Variants in MED12L observed in about 807,000 individuals in gnomAD.
MED12L encodes the protein mediator of RNA polymerase II transcription subunit 12-like protein.
MED12L carries 60 observed loss-of-function variants against 281.3 expected under a neutral mutation model. That is an observed-to-expected ratio of 0.21 (90% confidence interval 0.17 to 0.26). The LOEUF (loss-of-function observed/expected upper bound fraction) is 0.26, where lower values mean the gene tolerates loss of function less well. MED12L is among the 10% of genes least tolerant of loss of function. MED12L has a pLI of 1.00. For missense variants in MED12L, 2,146 were observed against 2,680.9 expected (o/e 0.80, Z 4.41); for synonymous variants, 974 against 987.2 (o/e 0.99, Z 0.25).
At chr3:151,324,518 A>G (rs1749356574) in intron 16 of MED12L, among the ~76,000 whole-genome samples, 1 of 152,240 alleles carries the variant, frequency 6.6e-6, no homozygotes, top group African/African-American at 2.4e-5. Flanking sequence ...TGTTAAGAAT[A>G]TGGGCTTAGA....
rs1259449148 is a variant in MED12L at position 151,164,047 on chromosome 3, A to G, written c.1257+5A>G. 1.1e-5 allele frequency: 18 copies of G among 1,611,904 alleles called. No individual in the cohort carries two copies. Among genetic ancestry groups the G allele is most frequent in the African/African-American group, 6.7e-5 (5 of 74,842 alleles). ...AACACGGCTTTCAATCAGCAGGTAG[A>G]CTTTATGTTTCAGTGATTTGATGGC... is the stretch of plus-strand genomic sequence containing the variant. On this transcript the variant is annotated splice_donor_5th_base_variant and intron_variant, in intron 9 of 44. Coordinates refer to ENST00000687756, the MANE Select transcript of MED12L (RefSeq NM_001393769.1).
chr3:151,190,639 G>T, intron 13 of MED12L, 78 bp from the exon 14 acceptor site: 1 of 1,270,406 alleles, frequency 7.9e-7, no homozygotes, highest in East Asian at 2.4e-5. Flanking sequence ...GAAAAGTAAT[G>T]AAAATATTAA....
chr3:151,404,880 C>T (rs1254652230), intron 39 of MED12L, among the ~76,000 whole-genome samples: 1 of 151,978 alleles, frequency 6.6e-6, no homozygotes, highest in Non-Finnish European at 1.5e-5. Context: ...ACCAGTCCTA[C>T]ATGAAAAGGA....
intron 16 of MED12L, chr3:151,316,882 GA>G (rs1446521341): frequency 1.3e-5 from 2 of 152,106 alleles, no homozygotes; most frequent in Non-Finnish European, 2.9e-5. Flanking sequence ...GAGATTTGTC[GA>G]CTGGGGAAGA....
chr3:151,098,703 C>A (rs184852019), intron 2 of MED12L, among the ~76,000 whole-genome samples: 7 of 151,658 alleles, frequency 4.6e-5, no homozygotes, highest in African/African-American at 1.7e-4. Flanking sequence ...CTGTAAAGAC[C>A]CTTTTTCCAA....
In MED12L at chr3:151,396,823, G is replaced by A. The variant is rs62285908; in HGVS notation, c.5820+1956G>A. Among the ~76,000 whole-genome samples, 306 of 152,246 alleles carry A rather than the reference G, an allele frequency of 2.0e-3. 2 individuals are homozygous for A. The highest frequency in any genetic ancestry group is 3.5e-3 in the South Asian group (17 of 4,824). ...GGAAAAGCCCACTGGGCCATTATGGGTAAATATACCTGTTTTTAAAAGGTT... is the reference window on the plus strand; with the variant it reads ...GGAAAAGCCCACTGGGCCATTATGGATAAATATACCTGTTTTTAAAAGGTT... On this transcript the variant is annotated intron_variant, in intron 39 of 44. Transcript: ENST00000687756.
chr3:151,112,752 T>C (rs1347621182), intron 2 of MED12L, among the ~76,000 whole-genome samples: 1 of 152,156 alleles, frequency 6.6e-6, no homozygotes, highest in Non-Finnish European at 1.5e-5. Context: ...GTGTGGGGTT[T>C]GATGGGTTGA....
chr3:151,219,904 C>G (rs1213706007), intron 16 of MED12L, among the ~76,000 whole-genome samples: 3 of 90,472 alleles, frequency 3.3e-5, no homozygotes, highest in East Asian at 7.7e-4. Flanking sequence ...CCCCCCCCCC[C>G]CTTGGATATG....
intron 16 of MED12L, among the ~76,000 whole-genome samples, chr3:151,276,717 A>G (rs115313743): frequency 5.6e-4 from 86 of 152,274 alleles, no homozygotes; most frequent in African/African-American, 1.9e-3. Flanking sequence ...TCAGCACTTT[A>G]GAAGCATCAT....
chr3:151,325,921 T>C (rs1345559141), intron 16 of MED12L, among the ~76,000 whole-genome samples: 1 of 152,220 alleles, frequency 6.6e-6, no homozygotes, highest in Non-Finnish European at 1.5e-5. Flanking sequence ...AGAGGTAATA[T>C]GGATTTAGTG....
At chr3:151,107,963 G>A (rs1395859567) in intron 2 of MED12L, among the ~76,000 whole-genome samples, 2 of 152,222 alleles carry the variant, frequency 1.3e-5, no homozygotes, top group African/African-American at 2.4e-5. Flanking sequence ...CCAGTCCTGG[G>A]CGACTGTGTT....
At chr3:151,095,139 T>G (rs1249930787) in intron 2 of MED12L, among the ~76,000 whole-genome samples, 1 of 152,248 alleles carries the variant, frequency 6.6e-6, no homozygotes, top group Non-Finnish European at 1.5e-5. Flanking sequence ...CATTGTAAAC[T>G]TAACTTTTTA....
intron 16 of MED12L, among the ~76,000 whole-genome samples, chr3:151,302,155 T>C (rs1430070044): frequency 2.0e-5 from 3 of 152,206 alleles, no homozygotes; most frequent in Admixed American, 2.0e-4. Context: ...TACATGTGTT[T>C]AGGTGAAATG....
chr3:151,260,312 T>C (rs1438569102), intron 16 of MED12L, among the ~76,000 whole-genome samples: 1 of 152,178 alleles, frequency 6.6e-6, no homozygotes, highest in Non-Finnish European at 1.5e-5. Flanking sequence ...ATTTCCTTCT[T>C]AATCTAGGTC....
chr3:151,324,830 A>G (rs189489644), intron 16 of MED12L, among the ~76,000 whole-genome samples: 8 of 152,298 alleles, frequency 5.3e-5, no homozygotes, highest in African/African-American at 1.4e-4. Flanking sequence ...TAAAATTTCA[A>G]ATGTTGAGAT....
chr3:151,109,175 C>T (rs929309291), intron 2 of MED12L, among the ~76,000 whole-genome samples: 5 of 151,868 alleles, frequency 3.3e-5, no homozygotes, highest in African/African-American at 1.2e-4. Context: ...CTCCTGCCTC[C>T]CGAGTAGCTG....
chr3:151,100,586 A>G (rs1386528531), intron 2 of MED12L, among the ~76,000 whole-genome samples: 1 of 152,204 alleles, frequency 6.6e-6, no homozygotes, highest in Non-Finnish European at 1.5e-5. Flanking sequence ...AGGAAGGTTA[A>G]TATTGACATT....
At chr3:151,177,101 A>T (rs1722143864) in intron 11 of MED12L, among the ~76,000 whole-genome samples, 1 of 152,200 alleles carries the variant, frequency 6.6e-6, no homozygotes, top group African/African-American at 2.4e-5. Flanking sequence ...GTCTTTGGTA[A>T]TTCACTCCTG....
At chr3:151,222,769 T>C (rs1481174288) in intron 16 of MED12L, among the ~76,000 whole-genome samples, 1 of 152,112 alleles carries the variant, frequency 6.6e-6, no homozygotes, top group East Asian at 1.9e-4. Context: ...GTTAGCATCA[T>C]TTTTTTCCCC....
Sources: gnomAD v4.1 joint callset for allele counts (sites outside exome capture counted in the v4.1 genomes callset) on GRCh38, gnomAD v4.1.1 for gene constraint, MANE v1.5 for transcripts, NCBI Gene and HGNC (gene_info 2026-07-23, HGNC 2026-07-21) for gene names.